The following FANCM variants were observed in gnomAD, a reference collection of about 807,000 sequenced individuals.
FANCM encodes Fanconi anemia group M protein.
In FANCM, 140 loss-of-function variants were observed where a neutral mutation model predicts 199.5. The observed-to-expected ratio is 0.70, with a 90% CI of 0.61 to 0.81. The LOEUF (loss-of-function observed/expected upper bound fraction) is 0.81, where lower values mean the gene tolerates loss of function less well. FANCM is among the 30% of genes least tolerant of loss of function. FANCM has a pLI of 0.00. For missense variants in FANCM, 2,410 were observed against 2,421.4 expected, an observed-to-expected ratio of 1.00 and a Z score of 0.10; for synonymous variants, 840 against 836.8, an observed-to-expected ratio of 1.00 and a Z score of -0.07.
chr14:45,198,640 T>A lies in FANCM; in HGVS notation c.5717-4T>A, dbSNP rs781258517. On this transcript the variant is annotated splice_polypyrimidine_tract_variant and splice_region_variant and intron_variant, in intron 21 of 22. Coordinates refer to ENST00000267430, the MANE Select transcript of FANCM (RefSeq NM_020937.4). ...TTTGCCTTTCCCTAAATATGAATAT[T>A]TAGGAGACACATCAAGGATGTTTAG... 13 of 1,604,472 alleles carry A rather than the reference T, an allele frequency of 8.1e-6. No individual in the cohort carries two copies. Among genetic ancestry groups the A allele is most frequent in the Non-Finnish European group, 1.1e-5 (13 of 1,173,268 alleles).
At chr14:45,182,897 G>C (rs1889157900) in intron 16 of FANCM, among the ~76,000 whole-genome samples, 1 of 152,044 alleles carries the variant, frequency 6.6e-6, no homozygotes, top group Non-Finnish European at 1.5e-5. Context: ...CTAACACAAA[G>C]CTTATTTTAT....
intron 2 of FANCM, among the ~76,000 whole-genome samples, chr14:45,140,214 G>A (rs1233249086): frequency 1.3e-5 from 2 of 151,908 alleles, no homozygotes; most frequent in Non-Finnish European, 2.9e-5. Context: ...TGACCTTAAA[G>A]CAGTCCTTTT....
At chr14:45,142,772 G>A (rs2139127479) in intron 3 of FANCM, among the ~76,000 whole-genome samples, 1 of 152,178 alleles carries the variant, frequency 6.6e-6, no homozygotes, top group African/African-American at 2.4e-5. Flanking sequence ...ACCTTTCTCA[G>A]CATATCCTAT....
chr14:45,165,238 G>T (rs1437318673), intron 10 of FANCM, among the ~76,000 whole-genome samples: 1 of 152,154 alleles, frequency 6.6e-6, no homozygotes, highest in Non-Finnish European at 1.5e-5. Context: ...CACATTAAAG[G>T]TCTTAACAGC....
chr14:45,167,383 C>T (rs1303459108), intron 11 of FANCM: 2 of 523,000 alleles, frequency 3.8e-6, no homozygotes, highest in Non-Finnish European at 6.8e-6. Context: ...GAAAATTAAA[C>T]ATACCCTACC....
intron 3 of FANCM, among the ~76,000 whole-genome samples, chr14:45,144,949 A>C (rs1285186973): frequency 6.6e-6 from 1 of 151,912 alleles, no homozygotes; most frequent in East Asian, 2.0e-4. Flanking sequence ...GTTTCACTGG[A>C]AGCCAGCATG....
chr14:45,197,837 C>T (rs1035384775), intron 21 of FANCM, among the ~76,000 whole-genome samples: 1 of 150,490 alleles, frequency 6.6e-6, no homozygotes, highest in Non-Finnish European at 1.5e-5. Flanking sequence ...AATCTCGGCT[C>T]ACTGCAACCT....
At chr14:45,169,330 C>T (rs1888189073) in intron 11 of FANCM, among the ~76,000 whole-genome samples, 1 of 151,246 alleles carries the variant, frequency 6.6e-6, no homozygotes, top group Admixed American at 6.6e-5. Context: ...TTCAAACCCC[C>T]TTATTTTACA....
At chr14:45,169,287 T>C (rs1888186082) in intron 11 of FANCM, among the ~76,000 whole-genome samples, 1 of 152,034 alleles carries the variant, frequency 6.6e-6, no homozygotes. Context: ...TCTCTGGATG[T>C]CAGGTCTGAA....
intron 4 of FANCM, among the ~76,000 whole-genome samples, chr14:45,150,383 T>C (rs1359585838): frequency 6.6e-6 from 1 of 152,212 alleles, no homozygotes; most frequent in Non-Finnish European, 1.5e-5. Context: ...ATTTTGTTAG[T>C]ATTTTTAGAG....
At chr14:45,197,051 A>T (rs1295023042) in intron 21 of FANCM, among the ~76,000 whole-genome samples, 1 of 152,204 alleles carries the variant, frequency 6.6e-6, no homozygotes, top group African/African-American at 2.4e-5. Context: ...GGGTCACTGA[A>T]GTGGGTACCT....
At chr14:45,165,822 C>G (rs138485398) in intron 10 of FANCM, among the ~76,000 whole-genome samples, 3 of 152,202 alleles carry the variant, frequency 2.0e-5, no homozygotes, top group African/African-American at 4.8e-5. Flanking sequence ...ACAGTGGCCC[C>G]GTTTACTCAG....
intron 9 of FANCM, among the ~76,000 whole-genome samples, chr14:45,161,521 G>A (rs959422426): frequency 1.3e-5 from 2 of 152,184 alleles, no homozygotes; most frequent in Non-Finnish European, 2.9e-5. Context: ...GCTCATGACT[G>A]TAATCACAGC....
At chr14:45,160,002 GTTTT>G (rs200603043) in intron 9 of FANCM, among the ~76,000 whole-genome samples, 2 of 122,010 alleles carry the variant, frequency 1.6e-5, no homozygotes, top group South Asian at 2.6e-4. Context: ...TTTTTTTTTT[GTTTT>G]TTTTTTTTTT....
At chr14:45,163,769 T>C (rs975561719) in intron 9 of FANCM, among the ~76,000 whole-genome samples, 1 of 152,204 alleles carries the variant, frequency 6.6e-6, no homozygotes, top group African/African-American at 2.4e-5. Flanking sequence ...GTGCTAAAAG[T>C]AAACTCTGGG....
At chr14:45,159,850 A>G (rs968741148) in intron 9 of FANCM, among the ~76,000 whole-genome samples, 1 of 152,142 alleles carries the variant, frequency 6.6e-6, no homozygotes, top group African/African-American at 2.4e-5. Flanking sequence ...TACATTATTG[A>G]TTTTTATAAA....
At position 45,183,877 on chromosome 14, in the gene FANCM, T is replaced by C. The variant is rs2139278427; in HGVS notation, c.4490T>C (p.Val1497Ala). Reference protein sequence around the residue: ...CNGNARRGIKVPKRQSHLKHV... With the variant: ...CNGNARRGIKAPKRQSHLKHV... ...GGGAATGCCAGAAGAGGCATCAAAG[T>C]CCCAAAGAGACAGAGTCACTTAAAG... is the stretch of plus-strand genomic sequence containing the variant. The change falls in exon 17 of 23, where the codon GTC (valine) becomes GCC (alanine). Residue 1497 changes from valine to alanine, a missense_variant. Transcript: ENST00000267430. The C allele has an allele frequency of 1.2e-6, 2 of 1,611,382 alleles. No homozygotes were observed. The highest frequency in any genetic ancestry group is 1.7e-6 in the Non-Finnish European group (2 of 1,177,880).
intron 20 of FANCM, 78 bp downstream of exon 20, chr14:45,189,440 G>T (rs907360239): frequency 8.5e-7 from 1 of 1,174,444 alleles, no homozygotes; most frequent in Non-Finnish European, 1.2e-6. Context: ...TGTGTGTTTT[G>T]TATTAAATAA....
At chr14:45,186,010 T>G (rs905635939) in intron 18 of FANCM, among the ~76,000 whole-genome samples, 14 of 152,212 alleles carry the variant, frequency 9.2e-5, no homozygotes, top group African/African-American at 3.4e-4. Context: ...GAGATTCTCC[T>G]GCTTTAGCCT....
Sources: allele counts gnomAD v4.1 joint callset (sites outside exome capture counted in the v4.1 genomes callset), GRCh38; gene constraint gnomAD v4.1.1; transcripts MANE v1.5; gene names NCBI Gene and HGNC (gene_info 2026-07-23, HGNC 2026-07-21).